The following TYW1B variants were observed in gnomAD, a reference collection of about 807,000 sequenced individuals.
TYW1B encodes tRNA-yW synthesizing protein 1 homolog B, also known as S-adenosyl-L-methionine-dependent tRNA 4-demethylwyosine synthase TYW1B.
TYW1B carries 73 observed loss-of-function variants against 86.9 expected under a neutral mutation model. That is an observed-to-expected ratio of 0.84 (90% confidence interval 0.70 to 1.02). The LOEUF is 1.02. TYW1B is among the 50% of genes least tolerant of loss of function. The pLI, the probability that TYW1B is intolerant of heterozygous loss-of-function variation, is 0.00. For synonymous variants in TYW1B, 248 were observed against 292.8 expected, an observed-to-expected ratio of 0.85 and a Z score of 1.56; for missense variants, 637 against 827.4, an observed-to-expected ratio of 0.77 and a Z score of 2.82.
intron 12 of TYW1B, among the ~76,000 whole-genome samples, chr7:72,621,799 T>C (rs1207714485): frequency 1.3e-5 from 2 of 152,188 alleles, no homozygotes; most frequent in African/African-American, 4.8e-5. Flanking sequence ...AAAATTTCAT[T>C]CACATGACTC....
chr7:72,575,210 C>T lies in TYW1B; in HGVS notation c.*288G>A, dbSNP rs1490006669. ...AGGTCTTAGAAGTTATAATACAAAA[C>T]CATCAGTTAAATTCTAATCACGACT... On this transcript the variant is annotated 3_prime_UTR_variant, in exon 14 of 14. Transcript: ENST00000620995. 23 of 1,224,902 alleles carry T rather than the reference C, an allele frequency of 1.9e-5. No homozygotes were observed. The highest frequency in any genetic ancestry group is 1.9e-5 in the Non-Finnish European group (19 of 977,900). The allele number at this position is 1,224,902 out of a possible 1,614,324, so 75.9% of individuals were successfully genotyped here. A position where few individuals can be genotyped will look rare whatever the true frequency, so the allele number is the denominator to read the frequency against.
intron 13 of TYW1B, among the ~76,000 whole-genome samples, chr7:72,577,624 T>G (rs1162150527): frequency 6.6e-6 from 1 of 152,240 alleles, no homozygotes; most frequent in Non-Finnish European, 1.5e-5. Context: ...GTGGCGTGAC[T>G]TGGTCACGCA....
At chr7:72,660,481 A>G (rs1422247460) in intron 11 of TYW1B, among the ~76,000 whole-genome samples, 2 of 152,198 alleles carry the variant, frequency 1.3e-5, no homozygotes, top group Non-Finnish European at 2.9e-5. Flanking sequence ...CCTGAGCTGC[A>G]GTTTCCCAAC....
In TYW1B at chr7:72,815,439, G is replaced by A. The variant is rs782263338; in HGVS notation, c.178C>T (p.Leu60=). 1 of 1,610,798 alleles carries A rather than the reference G, an allele frequency of 6.2e-7. No homozygotes were observed. Among genetic ancestry groups the A allele is most frequent in the Admixed American group, 1.7e-5 (1 of 59,124 alleles). The change falls in exon 3 of 14, where the codon CTG becomes TTG. Residue 60 remains leucine (L), a synonymous_variant. Transcript: ENST00000620995. ...VLAEAVTSLD[L]PVAIINLKEY... is the part of the protein sequence containing the mutation. ...TTTAGATTAATAATGGCCACAGGCAGATCCAGGGACGTAACTGCTTCAGCA... is the reference window on the plus strand; with the variant it reads ...TTTAGATTAATAATGGCCACAGGCAAATCCAGGGACGTAACTGCTTCAGCA...
intron 11 of TYW1B, among the ~76,000 whole-genome samples, chr7:72,658,049 A>T (rs1554443949): frequency 6.6e-6 from 1 of 152,128 alleles, no homozygotes; most frequent in East Asian, 1.9e-4. Flanking sequence ...AGGTCAGGAG[A>T]TCAAGACCAT....
In TYW1B at chr7:72,694,799, A is replaced by G; in HGVS notation, c.1394T>C (p.Leu465Pro). The change falls in exon 11 of 14, where the codon CTG becomes CCG. Residue 465 changes from leucine to proline, a missense_variant. Coordinates refer to ENST00000620995, the MANE Select transcript of TYW1B (RefSeq NM_001145440.3). ...GGTACTGGCATCCACACTGACATACAGCTGAGTAACTGGCTCGAGGTTCCT... is the reference window on the plus strand; with the variant it reads ...GGTACTGGCATCCACACTGACATACGGCTGAGTAACTGGCTCGAGGTTCCT... ...EIRNLEPVTQ[L>P]YVSVDASTKD... is the part of the protein sequence containing the mutation. 1 of 1,600,602 alleles carries G rather than the reference A, an allele frequency of 6.2e-7. No homozygotes were observed. Among genetic ancestry groups the G allele is most frequent in the African/African-American group, 1.3e-5 (1 of 74,134 alleles).
Position 72,632,318 on chromosome 7 carries a change from ATAT to A in TYW1B, c.1507-3324_1507-3322del, listed in dbSNP as rs1306601201. Among the ~76,000 whole-genome samples the A allele has an allele frequency of 9.3e-3, 678 of 72,946 alleles. 17 individuals are homozygous for A. Among genetic ancestry groups the A allele is most frequent in the African/African-American group, 0.036 (374 of 10,442 alleles). 47.9% of individuals were successfully genotyped at this position (72,946 alleles called of 152,430 possible). A position where few individuals can be genotyped will look rare whatever the true frequency, so the allele number is the denominator to read the frequency against. On this transcript the variant is annotated intron_variant, in intron 11 of 13. Coordinates refer to ENST00000620995, the MANE Select transcript of TYW1B (RefSeq NM_001145440.3). ...ATATATACGTGTATATATATTATAT[ATAT>A]TATATATATATACACGTATATATAT... is the stretch of plus-strand genomic sequence containing the variant.
chr7:72,591,448 A>G (rs554325141), intron 13 of TYW1B, among the ~76,000 whole-genome samples: 1 of 152,220 alleles, frequency 6.6e-6, no homozygotes, highest in Non-Finnish European at 1.5e-5. Context: ...GCAAGAGAGC[A>G]GTGACTTGTC....
chr7:72,633,928 C>G (rs1212870891), intron 11 of TYW1B, among the ~76,000 whole-genome samples: 1 of 152,098 alleles, frequency 6.6e-6, no homozygotes, highest in Non-Finnish European at 1.5e-5. Context: ...CTGGGACATA[C>G]ATTCTTTTGT....
chr7:72,819,591 CCTGA>C (rs1788790791), intron 2 of TYW1B, among the ~76,000 whole-genome samples: 2 of 152,106 alleles, frequency 1.3e-5, no homozygotes, highest in South Asian at 4.1e-4. Context: ...CGCCACCATG[CCTGA>C]CTAATTTTTG....
intron 13 of TYW1B, among the ~76,000 whole-genome samples, chr7:72,603,501 T>TA (rs753375328): frequency 3.5e-4 from 54 of 152,176 alleles, no homozygotes; most frequent in Non-Finnish European, 6.8e-4. Context: ...CCAAATAACT[T>TA]ACATAGATAC....
chr7:72,686,510 C>T (rs1295284788), intron 11 of TYW1B, among the ~76,000 whole-genome samples: 7 of 152,042 alleles, frequency 4.6e-5, no homozygotes, highest in Non-Finnish European at 7.4e-5. Flanking sequence ...GGCAAAGCTA[C>T]GCAGACAGTA....
intron 13 of TYW1B, among the ~76,000 whole-genome samples, chr7:72,607,044 A>AT (rs1280549995): frequency 6.6e-6 from 1 of 152,180 alleles, no homozygotes; most frequent in Non-Finnish European, 1.5e-5. Context: ...GAATTATCTG[A>AT]TTAAGATTTT....
chr7:72,632,285 G>GTATATATATATATATATATAATA (rs1239640717), intron 11 of TYW1B, among the ~76,000 whole-genome samples: 6 of 83,568 alleles, frequency 7.2e-5, no homozygotes, highest in African/African-American at 2.2e-4. Flanking sequence ...ATATATACGT[G>GTATATATATATATATATATAATA]TATATATATA....
chr7:72,694,111 C>T lies in TYW1B; in HGVS notation c.1506+576G>A, dbSNP rs34056900. Among the ~76,000 whole-genome samples the T allele has an allele frequency of 2.0e-5, 3 of 152,042 alleles. No homozygotes were observed. The South Asian group carries it at 6.2e-4, about 32-fold the overall frequency. On this transcript the variant is annotated intron_variant, in intron 11 of 13. Coordinates refer to ENST00000620995, the MANE Select transcript of TYW1B (RefSeq NM_001145440.3). ...AAACAGCTGGGATAACAGGTGCATG[C>T]CATCACAACTGGCTAATTTTTTGGT...
At chr7:72,673,778 G>A (rs1813669088) in intron 11 of TYW1B, among the ~76,000 whole-genome samples, 2 of 152,076 alleles carry the variant, frequency 1.3e-5, no homozygotes, top group Admixed American at 6.5e-5. Context: ...TAACACAAAG[G>A]ATAAATGCTG....
At chr7:72,700,972 G>A (rs1814452966) in intron 10 of TYW1B, among the ~76,000 whole-genome samples, 1 of 151,984 alleles carries the variant, frequency 6.6e-6, no homozygotes, top group Non-Finnish European at 1.5e-5. Flanking sequence ...GCTGAGGCAG[G>A]AGAATTGCTT....
Position 72,766,642 on chromosome 7 carries a change from C to T in TYW1B, c.964+10774G>A, listed in dbSNP as rs370039444. Among the ~76,000 whole-genome samples the T allele has an allele frequency of 5.8e-3, 797 of 136,468 alleles. 5 individuals carry two copies. Among genetic ancestry groups the T allele is most frequent in the Middle Eastern group, 0.048 (10 of 208 alleles). 89.5% of individuals were successfully genotyped at this position (136,468 alleles called of 152,430 possible). A position where few individuals can be genotyped will look rare whatever the true frequency, so the allele number is the denominator to read the frequency against. On this transcript the variant is annotated intron_variant, in intron 7 of 13. Transcript: ENST00000620995. ...AAAAAAAAAAAAAAAAACATAACTA[C>T]AGGGCCAGGCGCAGTGGCTCACACC...
intron 10 of TYW1B, among the ~76,000 whole-genome samples, chr7:72,700,366 G>A (rs754986683): frequency 2.0e-5 from 3 of 151,736 alleles, no homozygotes; most frequent in Non-Finnish European, 2.9e-5. Context: ...AGTAAAGACA[G>A]CGTTTCGCCA....
Sources: gnomAD v4.1 joint callset for allele counts (sites outside exome capture counted in the v4.1 genomes callset) on GRCh38, gnomAD v4.1.1 for gene constraint, MANE v1.5 for transcripts, NCBI Gene and HGNC (gene_info 2026-07-23, HGNC 2026-07-21) for gene names.